Variants in ABCC1 observed in about 807,000 individuals in gnomAD.
The protein encoded by ABCC1 is multidrug resistance-associated protein 1.
In ABCC1, 83 loss-of-function variants were observed where a neutral mutation model predicts 172.9. The observed-to-expected ratio is 0.48, with a 90% CI of 0.40 to 0.58. The LOEUF (loss-of-function observed/expected upper bound fraction) is 0.58. ABCC1 is among the 20% of genes least tolerant of loss of function. ABCC1 has a pLI of 0.00. For missense variants in ABCC1, 1,817 were observed against 2,002.7 expected, an observed-to-expected ratio of 0.91 and a Z score of 1.77; for synonymous variants, 937 against 825.2, an observed-to-expected ratio of 1.14 and a Z score of -2.32.
chr16:16,139,806 C>T (rs2046064848), intron 30 of ABCC1, among the ~76,000 whole-genome samples: 1 of 152,034 alleles, frequency 6.6e-6, no homozygotes, highest in South Asian at 2.1e-4. Flanking sequence ...TGTGGGTCAT[C>T]TCTGAAGAGG....
chr16:16,136,161 C>A (rs2045908639), intron 28 of ABCC1, among the ~76,000 whole-genome samples: 1 of 151,810 alleles, frequency 6.6e-6, no homozygotes, highest in Non-Finnish European at 1.5e-5. Context: ...GTAGCTGGGA[C>A]TACAGGTATG....
chr16:16,063,756 G>T (rs2050007998), intron 12 of ABCC1, among the ~76,000 whole-genome samples: 1 of 152,158 alleles, frequency 6.6e-6, no homozygotes, highest in African/African-American at 2.4e-5. Context: ...TTCTTTATTA[G>T]CTGGTAGTTT....
At chr16:16,027,356 A>G (rs1458251355) in intron 5 of ABCC1, among the ~76,000 whole-genome samples, 5 of 152,170 alleles carry the variant, frequency 3.3e-5, no homozygotes, top group African/African-American at 1.2e-4. Flanking sequence ...ACATAAATGA[A>G]TGGGTGTGAC....
chr16:15,955,902 AC>A (rs1239793968), intron 1 of ABCC1, among the ~76,000 whole-genome samples: 1 of 152,146 alleles, frequency 6.6e-6, no homozygotes, highest in Non-Finnish European at 1.5e-5. Context: ...TTAGTAAATA[AC>A]AGTTGACCTT....
intron 7 of ABCC1, among the ~76,000 whole-genome samples, chr16:16,038,317 A>G (rs2048834996): frequency 6.6e-6 from 1 of 152,160 alleles, no homozygotes; most frequent in African/African-American, 2.4e-5. Flanking sequence ...AGCATGGCTC[A>G]GGCCTAGTCC....
intron 19 of ABCC1, among the ~76,000 whole-genome samples, chr16:16,100,066 A>G (rs2051656717): frequency 6.6e-6 from 1 of 152,078 alleles, no homozygotes; most frequent in African/African-American, 2.4e-5. Context: ...AGCCTGGGCG[A>G]CAGAGAAGAC....
intron 19 of ABCC1, among the ~76,000 whole-genome samples, chr16:16,091,495 C>T (rs951752014): frequency 6.6e-6 from 1 of 151,076 alleles, no homozygotes; most frequent in Non-Finnish European, 1.5e-5. Flanking sequence ...TGATGGGTGT[C>T]ATTGTGGCAA....
chr16:16,052,441 AAAT>A (rs2049470100), intron 10 of ABCC1, among the ~76,000 whole-genome samples: 2 of 151,962 alleles, frequency 1.3e-5, no homozygotes, highest in African/African-American at 4.8e-5. Flanking sequence ...AAAAAAAAAA[AAAT>A]TAGAATCCTG....
chr16:16,101,810 A>G (rs1450788509), intron 19 of ABCC1, among the ~76,000 whole-genome samples: 4 of 152,150 alleles, frequency 2.6e-5, no homozygotes, highest in Non-Finnish European at 2.9e-5. Flanking sequence ...TGTCATTGTC[A>G]TTGTTGATGT....
intron 1 of ABCC1, among the ~76,000 whole-genome samples, chr16:15,990,169 C>T (rs761756646): frequency 6.6e-6 from 1 of 152,154 alleles, no homozygotes; most frequent in Non-Finnish European, 1.5e-5. Flanking sequence ...ATTCTCCTGC[C>T]TCAGCCTCCC....
At chr16:16,068,027 A>G in intron 12 of ABCC1, 129 bp from the exon 13 acceptor site, 1 of 1,031,414 alleles carries the variant, frequency 9.7e-7, no homozygotes, top group Non-Finnish European at 1.4e-6. Flanking sequence ...TTTTTCCACG[A>G]GCTCCAGCAG....
chr16:16,100,161 C>T (rs1396480119), intron 19 of ABCC1, among the ~76,000 whole-genome samples: 2 of 152,078 alleles, frequency 1.3e-5, no homozygotes, highest in Non-Finnish European at 2.9e-5. Flanking sequence ...GGCGCTTGGT[C>T]CTCCTCCGTG....
intron 10 of ABCC1, among the ~76,000 whole-genome samples, chr16:16,050,700 C>T (rs2049389981): frequency 7.0e-6 from 1 of 143,324 alleles, no homozygotes; most frequent in African/African-American, 2.6e-5. Context: ...TGAGACCAGC[C>T]TGGGCAACAT....
Position 16,079,053 on chromosome 16 carries a change from G to A in ABCC1, c.1989-299G>A, listed in dbSNP as rs35874442. Among the ~76,000 whole-genome samples the A allele has an allele frequency of 0.11, 17,120 of 151,986 alleles. 1,096 individuals are homozygous for A. Among genetic ancestry groups the A allele is most frequent in the Middle Eastern group, 0.22 (65 of 294 alleles). ...CCCCCAGTAAAGTTTCTGCCTCTCCGAGGGGCAAAAACTGTTCCAGAAGCC... is the reference window on the plus strand; with the variant it reads ...CCCCCAGTAAAGTTTCTGCCTCTCCAAGGGGCAAAAACTGTTCCAGAAGCC... On this transcript the variant is annotated intron_variant, in intron 15 of 30. Transcript: ENST00000399410.
intron 21 of ABCC1, among the ~76,000 whole-genome samples, chr16:16,108,918 G>C (rs947406754): frequency 6.6e-6 from 1 of 151,818 alleles, no homozygotes; most frequent in Non-Finnish European, 1.5e-5. Flanking sequence ...TGACCCCCGA[G>C]CCCACCACAT....
intron 23 of ABCC1, 96 bp downstream of exon 23, chr16:16,115,172 G>A: frequency 3.0e-6 from 4 of 1,316,030 alleles, no homozygotes; most frequent in Non-Finnish European, 4.1e-6. Context: ...TGTCCCCAGT[G>A]TGGTGCTTTT....
intron 5 of ABCC1, among the ~76,000 whole-genome samples, chr16:16,032,390 G>A (rs2048589010): frequency 3.9e-5 from 6 of 152,210 alleles, no homozygotes; most frequent in Admixed American, 2.6e-4. Flanking sequence ...GCTACTAATA[G>A]TAGAGAATCT....
At chr16:16,044,332 G>A (rs530967561) in intron 7 of ABCC1, 118 bp from the exon 8 acceptor site, 62 of 887,652 alleles carry the variant, frequency 7.0e-5, no homozygotes, top group Middle Eastern at 3.4e-4. Flanking sequence ...CTCTTTCCCT[G>A]GGCTTGTTGT....
rs11866794 is a variant in ABCC1 at position 16,075,717 on chromosome 16, G to A, written c.1913-609G>A. On this transcript the variant is annotated intron_variant, in intron 14 of 30. Transcript: ENST00000399410. ...CCTGTGCCCTCGTACCACACTTCCT[G>A]TTCCGTATCCTCTTTTTTTGAGTTT... Among the ~76,000 whole-genome samples, 2 of 152,258 alleles carry A rather than the reference G, an allele frequency of 1.3e-5. No individual in the cohort carries two copies. Among genetic ancestry groups the A allele is most frequent in the African/African-American group, 4.8e-5 (2 of 41,560 alleles).
Sources: allele counts gnomAD v4.1 joint callset (sites outside exome capture counted in the v4.1 genomes callset), GRCh38; gene constraint gnomAD v4.1.1; transcripts MANE v1.5; gene names NCBI Gene and HGNC (gene_info 2026-07-23, HGNC 2026-07-21).